LYPD1: variants seen among roughly 807,000 people sequenced by gnomAD.
LYPD1 encodes LY6/PLAUR domain containing 1, also known as ly6/PLAUR domain-containing protein 1.
In LYPD1, 14 loss-of-function variants were observed where a neutral mutation model predicts 14.2. That is an observed-to-expected ratio of 0.99 (90% confidence interval 0.65 to 1.54). The LOEUF (loss-of-function observed/expected upper bound fraction) is 1.54. Among genes scored for constraint, LYPD1 ranks in the 40% most tolerant of loss-of-function variants. LYPD1 has a pLI of 0.00. For missense variants in LYPD1, 165 were observed against 175.7 expected, an observed-to-expected ratio of 0.94 and a Z score of 0.34; for synonymous variants, 85 against 70.6, an observed-to-expected ratio of 1.20 and a Z score of -1.02.
chr2:132,646,257 C>CACAGGACTTGCGGTACATGATCCCT lies in LYPD1; in HGVS notation c.191-2_213dup (p.Ala72ArgfsTer44). ...GCGATGAGACAGGCCGCTGATGATG[C>CACAGGACTTGCGGTACATGATCCCT]ACAGGACTTGCGGTACATGATCCCT... On this transcript the variant is annotated frameshift_variant, in exon 3 of 3. Coordinates refer to ENST00000397463, the MANE Select transcript of LYPD1 (RefSeq NM_144586.7). LOFTEE classifies it high-confidence loss of function. 6.4e-7 allele frequency: 1 copy of CACAGGACTTGCGGTACATGATCCCT among 1,565,472 alleles called. No individual in the cohort carries two copies. Among genetic ancestry groups the CACAGGACTTGCGGTACATGATCCCT allele is most frequent in the Non-Finnish European group, 8.7e-7 (1 of 1,152,820 alleles).
intron 2 of LYPD1, among the ~76,000 whole-genome samples, chr2:132,655,975 T>G (rs1310078729): frequency 6.6e-6 from 1 of 152,212 alleles, no homozygotes; most frequent in Non-Finnish European, 1.5e-5. Context: ...CCCCTACAGA[T>G]GTACATACAA....
In LYPD1 at chr2:132,669,856, G is replaced by A. The variant is rs764272430; in HGVS notation, c.52+25C>T. The A allele has an allele frequency of 3.1e-6, 5 of 1,611,544 alleles. No homozygotes were observed. The South Asian group carries it at 3.3e-5, about 11-fold the overall frequency. On this transcript the variant is annotated intron_variant, in intron 1 of 2. Coordinates refer to ENST00000397463, the MANE Select transcript of LYPD1 (RefSeq NM_144586.7). This position sits in a 1 kb window ranked among gnomAD's most constrained non-coding sequence, Gnocchi z 4.3. ...GATGGATTGTGCGCACCTGGCCTCG[G>A]CTGCTGGCCTCTGGGTATTCTCACC... is the stretch of plus-strand genomic sequence containing the variant.
Position 132,646,143 on chromosome 2 carries a change from T to G in LYPD1, c.328A>C (p.Arg110=). ...CCNTPLCNGP[R]PKKRGSSASA... ...GCAGAACTTCCCCTTTTCTTGGGCC[T>G]TGGCCCGTTACAAAGAGGGGTGTTG... Residue 110 remains arginine, a synonymous_variant, in exon 3 of 3, where the codon AGG becomes CGG. Coordinates refer to ENST00000397463, the MANE Select transcript of LYPD1 (RefSeq NM_144586.7). 1 of 1,611,974 alleles carries G rather than the reference T, an allele frequency of 6.2e-7. No homozygotes were observed. Among genetic ancestry groups the G allele is most frequent in the Non-Finnish European group, 8.5e-7 (1 of 1,178,828 alleles).
intron 2 of LYPD1, among the ~76,000 whole-genome samples, chr2:132,663,563 G>A (rs1015278862): frequency 1.2e-4 from 18 of 152,180 alleles, no homozygotes; most frequent in Admixed American, 9.8e-4. Flanking sequence ...GGCATGAGCC[G>A]CCGTGCCCAG....
In LYPD1 at chr2:132,645,635, A is replaced by G. The variant is rs1313396204; in HGVS notation, c.*410T>C. The G allele has an allele frequency of 2.5e-6, 4 of 1,590,832 alleles. No individual in the cohort carries two copies. The highest frequency in any genetic ancestry group is 4.5e-5 in the East Asian group (2 of 44,692). On this transcript the variant is annotated 3_prime_UTR_variant, in exon 3 of 3. Transcript: ENST00000397463. ...TCAAGCGAGGGAGCCTTGAGTGGGAACTGGCCCTCCAGCCCTAAGAAAACG... is the reference window on the plus strand; with the variant it reads ...TCAAGCGAGGGAGCCTTGAGTGGGAGCTGGCCCTCCAGCCCTAAGAAAACG...
rs1174381552 is a variant in LYPD1 at position 132,670,137 on chromosome 2, C to G, written c.-205G>C. ...CGCGCTCGGGCTCCCGGCTGCGGGT[C>G]TCTGCTCCTCCCGCTCGCGCTCCCG... On this transcript the variant is annotated 5_prime_UTR_variant, in exon 1 of 3. Coordinates refer to ENST00000397463, the MANE Select transcript of LYPD1 (RefSeq NM_144586.7). This position sits in a 1 kb window ranked among gnomAD's most constrained non-coding sequence, Gnocchi z 4.5. The G allele has an allele frequency of 2.2e-6, 3 of 1,390,380 alleles. No individual in the cohort carries two copies. Among genetic ancestry groups the G allele is most frequent in the Non-Finnish European group, 2.8e-6 (3 of 1,081,086 alleles). 86.1% of individuals were successfully genotyped at this position (1,390,380 alleles called of 1,614,324 possible).
Position 132,645,967 on chromosome 2 carries a change from A to AAACTC in LYPD1, c.*73_*77dup. ...CCCAGAATAAAAGGACACCCAGAAG[A>AAACTC]AACTCACTCAGGGAGGTGGGGGGTT... On this transcript the variant is annotated 3_prime_UTR_variant, in exon 3 of 3. Transcript: ENST00000397463. 9.1e-7 allele frequency: 1 copy of AAACTC among 1,098,540 alleles called. No individual in the cohort carries two copies. The highest frequency in any genetic ancestry group is 1.3e-6 in the Non-Finnish European group (1 of 774,192). 68.0% of individuals were successfully genotyped at this position (1,098,540 alleles called of 1,614,324 possible).
intron 2 of LYPD1, among the ~76,000 whole-genome samples, chr2:132,648,272 A>AAAAT (rs1291712928): frequency 6.8e-6 from 1 of 146,400 alleles, no homozygotes; most frequent in Non-Finnish European, 1.6e-5. Context: ...AACTTTTAAA[A>AAAAT]AAATATTTAC....
chr2:132,644,887 C>T lies in LYPD1; in HGVS notation c.*1158G>A. ...AAAGCATTTAATGGTCTTTCTTTAACACAGCCAACTCCCCCGGGTTTGAAA... is the reference window on the plus strand; with the variant it reads ...AAAGCATTTAATGGTCTTTCTTTAATACAGCCAACTCCCCCGGGTTTGAAA... On this transcript the variant is annotated 3_prime_UTR_variant, in exon 3 of 3. Transcript: ENST00000397463. 2 of 582,940 alleles carry T rather than the reference C, an allele frequency of 3.4e-6. No homozygotes were observed. Among genetic ancestry groups the T allele is most frequent in the Non-Finnish European group, 6.0e-6 (2 of 332,498 alleles). The allele number at this position is 582,940 out of a possible 1,614,324, so 36.1% of individuals were successfully genotyped here.
chr2:132,660,058 A>AGCC (rs1289395076), intron 2 of LYPD1, among the ~76,000 whole-genome samples: 1 of 152,200 alleles, frequency 6.6e-6, no homozygotes, highest in Non-Finnish European at 1.5e-5. Context: ...GCAGGCTGAG[A>AGCC]GCCGCGTGCC....
chr2:132,669,970 T>A lies in LYPD1; in HGVS notation c.-38A>T, dbSNP rs376036521. On this transcript the variant is annotated 5_prime_UTR_variant, in exon 1 of 3. It removes an upstream start codon present in the reference 5' UTR. Transcript: ENST00000397463. This position sits in a 1 kb window ranked among gnomAD's most constrained non-coding sequence, Gnocchi z 4.3. ...CCGGGGCCGGGAGAGGGCAAGCGCA[T>A]CAGAGGAGGCGACAGCAGCGGAGGC... is the stretch of plus-strand genomic sequence containing the variant. 1 of 1,607,430 alleles carries A rather than the reference T, an allele frequency of 6.2e-7. No homozygotes were observed. The highest frequency in any genetic ancestry group is 8.5e-7 in the Non-Finnish European group (1 of 1,178,434).
chr2:132,664,533 A>G (rs1303026578), intron 2 of LYPD1, among the ~76,000 whole-genome samples: 3 of 152,250 alleles, frequency 2.0e-5, no homozygotes, highest in Non-Finnish European at 2.9e-5. Flanking sequence ...ACAGACAAAT[A>G]GATTAATGCA....
intron 2 of LYPD1, among the ~76,000 whole-genome samples, chr2:132,652,563 C>T (rs1339508483): frequency 6.6e-6 from 1 of 152,168 alleles, no homozygotes; most frequent in Non-Finnish European, 1.5e-5. Context: ...GGCTGTCCAT[C>T]AAACGTGGCT....
intron 2 of LYPD1, among the ~76,000 whole-genome samples, chr2:132,650,899 G>T (rs1682338842): frequency 6.6e-6 from 1 of 151,968 alleles, no homozygotes; most frequent in African/African-American, 2.4e-5. Flanking sequence ...ATTTGCTTAG[G>T]GTCCATTCAG....
intron 2 of LYPD1, among the ~76,000 whole-genome samples, chr2:132,656,817 C>T (rs1682621192): frequency 6.6e-6 from 1 of 152,146 alleles, no homozygotes; most frequent in Admixed American, 6.5e-5. Flanking sequence ...AGAATGCTAA[C>T]AACTCATTTT....
At chr2:132,664,503 A>G (rs942257315) in intron 2 of LYPD1, among the ~76,000 whole-genome samples, 3 of 152,262 alleles carry the variant, frequency 2.0e-5, no homozygotes, top group African/African-American at 7.2e-5. Context: ...CATATAAATC[A>G]GTAACTCTTG....
intron 2 of LYPD1, chr2:132,666,921 G>A (rs745976288): frequency 2.6e-5 from 4 of 152,144 alleles, no homozygotes; most frequent in Admixed American, 2.6e-4. Flanking sequence ...TTCTCATTTT[G>A]TCTGGCTCTA....
rs370135239 is a variant in LYPD1 at position 132,645,370 on chromosome 2, G to A, written c.*675C>T. On this transcript the variant is annotated 3_prime_UTR_variant, in exon 3 of 3. Coordinates refer to ENST00000397463, the MANE Select transcript of LYPD1 (RefSeq NM_144586.7). ...CGCCAACCACGAGAAGCGCCTGCGC[G>A]TACATGCGCACTCCACCACCGACAG... is the stretch of plus-strand genomic sequence containing the variant. 31 of 1,613,812 alleles carry A rather than the reference G, an allele frequency of 1.9e-5. 1 individual carries two copies. The Middle Eastern group carries it at 6.6e-4, about 34-fold the overall frequency.
In LYPD1 at chr2:132,645,942, C is replaced by T; in HGVS notation, c.*103G>A. ...AGAGAACACGGACTCCCGCTCCCTACCCAGAATAAAAGGACACCCAGAAGA... is the reference window on the plus strand; with the variant it reads ...AGAGAACACGGACTCCCGCTCCCTATCCAGAATAAAAGGACACCCAGAAGA... On this transcript the variant is annotated 3_prime_UTR_variant, in exon 3 of 3. Coordinates refer to ENST00000397463, the MANE Select transcript of LYPD1 (RefSeq NM_144586.7). 1.2e-6 allele frequency: 1 copy of T among 860,224 alleles called. No individual in the cohort carries two copies. Among genetic ancestry groups the T allele is most frequent in the Non-Finnish European group, 1.8e-6 (1 of 567,030 alleles). The allele number at this position is 860,224 out of a possible 1,614,324, so 53.3% of individuals were successfully genotyped here.
Sources: allele counts gnomAD v4.1 joint callset (sites outside exome capture counted in the v4.1 genomes callset), GRCh38; gene constraint gnomAD v4.1.1; non-coding constraint Gnocchi (gnomAD v3.1); transcripts MANE v1.5; gene names NCBI Gene and HGNC (gene_info 2026-07-23, HGNC 2026-07-21).